The following EPHA5 variants were observed in gnomAD, a reference collection of about 807,000 sequenced individuals.
The protein encoded by EPHA5 is EPH receptor A5.
In EPHA5, 60 loss-of-function variants were observed where a neutral mutation model predicts 105.0. That is an observed-to-expected ratio of 0.57 (90% CI 0.46 to 0.71). The LOEUF is 0.71. Ranked by LOEUF, EPHA5 falls within the 30% of genes least tolerant of loss-of-function variation. EPHA5 has a pLI of 0.00. For synonymous variants in EPHA5, 513 were observed against 449.1 expected, an observed-to-expected ratio of 1.14 and a Z score of -1.80; for missense variants, 1,218 against 1,274.7, an observed-to-expected ratio of 0.96 and a Z score of 0.68.
chr4:65,616,871 G>A (rs1488735735), intron 2 of EPHA5, among the ~76,000 whole-genome samples: 1 of 151,944 alleles, frequency 6.6e-6, no homozygotes, highest in Admixed American at 6.6e-5. Flanking sequence ...GTTCTTTAGG[G>A]AAACAACAAT....
chr4:65,418,886 T>TTTTTTTTTTTTTTTTTTTTTTG (rs1723659482), intron 6 of EPHA5, among the ~76,000 whole-genome samples: 1 of 105,064 alleles, frequency 9.5e-6, no homozygotes, highest in African/African-American at 3.3e-5. Flanking sequence ...TTTTTTTTTT[T>TTTTTTTTTTTTTTTTTTTTTTG]TTTTTTTTTG....
rs1560458214 is a variant in EPHA5 at position 65,365,686 on chromosome 4, TA to T, written c.1987+245del. On this transcript the variant is annotated intron_variant, in intron 10 of 16. Coordinates refer to ENST00000613740, the MANE Select transcript of EPHA5 (RefSeq NM_001281766.3). ...ATATATATATATATATATATATATA[TA>T]TAGTGAAACATTATCTATTTAAAAT... Among the ~76,000 whole-genome samples, 154 of 114,212 alleles carry T rather than the reference TA, an allele frequency of 1.3e-3. 11 individuals are homozygous for T. Among genetic ancestry groups the T allele is most frequent in the South Asian group, 3.3e-3 (12 of 3,606 alleles). 74.9% of individuals were successfully genotyped at this position (114,212 alleles called of 152,430 possible). A position where few individuals can be genotyped will look rare whatever the true frequency, so the allele number is the denominator to read the frequency against.
chr4:65,370,506 C>T (rs910536342), intron 8 of EPHA5, among the ~76,000 whole-genome samples: 4 of 152,088 alleles, frequency 2.6e-5, no homozygotes, highest in Admixed American at 2.0e-4. Context: ...TCACAATTTA[C>T]GTTAGAAAAC....
At chr4:65,332,929 A>C (rs1475850294) in intron 15 of EPHA5, among the ~76,000 whole-genome samples, 1 of 151,898 alleles carries the variant, frequency 6.6e-6, no homozygotes, top group Non-Finnish European at 1.5e-5. Context: ...TCTTTATTTT[A>C]CACTTTTACA....
chr4:65,576,139 G>GA (rs1741020394), intron 3 of EPHA5, among the ~76,000 whole-genome samples: 1 of 105,868 alleles, frequency 9.4e-6, no homozygotes, highest in Non-Finnish European at 2.1e-5. Flanking sequence ...AGAAAAGAAA[G>GA]AAAGAAAAAG....
intron 5 of EPHA5, among the ~76,000 whole-genome samples, chr4:65,443,657 A>AAAAAAC (rs1018488394): frequency 2.6e-5 from 4 of 152,142 alleles, no homozygotes; most frequent in African/African-American, 9.7e-5. Context: ...CTGTGAAGGC[A>AAAAAAC]AAAAACAATT....
chr4:65,551,376 T>G (rs2149340776), intron 3 of EPHA5, among the ~76,000 whole-genome samples: 1 of 151,852 alleles, frequency 6.6e-6, no homozygotes, highest in East Asian at 1.9e-4. Flanking sequence ...ATAATTACCC[T>G]AAGGGAATAG....
intron 5 of EPHA5, among the ~76,000 whole-genome samples, chr4:65,477,118 A>G (rs1030797971): frequency 6.6e-6 from 1 of 152,200 alleles, no homozygotes; most frequent in African/African-American, 2.4e-5. Flanking sequence ...AGACAACAGA[A>G]CAAATTGTTA....
chr4:65,497,932 T>A (rs1578257779), intron 3 of EPHA5, among the ~76,000 whole-genome samples: 1 of 151,916 alleles, frequency 6.6e-6, no homozygotes, highest in Non-Finnish European at 1.5e-5. Flanking sequence ...CCTTTATGAA[T>A]CTTAAAGGTA....
At chr4:65,481,860 C>T (rs923084167) in intron 5 of EPHA5, among the ~76,000 whole-genome samples, 2 of 152,170 alleles carry the variant, frequency 1.3e-5, no homozygotes, top group Admixed American at 1.3e-4. Context: ...GTGCTAAATA[C>T]TTCTTCAATT....
chr4:65,665,231 C>A (rs1300865855), intron 1 of EPHA5, among the ~76,000 whole-genome samples: 1 of 151,156 alleles, frequency 6.6e-6, no homozygotes, highest in African/African-American at 2.4e-5. Context: ...AGGTTTCTAC[C>A]AAATGAAAAA....
intron 3 of EPHA5, among the ~76,000 whole-genome samples, chr4:65,582,043 A>G (rs1013899531): frequency 6.6e-6 from 1 of 151,728 alleles, no homozygotes; most frequent in Admixed American, 6.6e-5. Flanking sequence ...ACTATGAAGC[A>G]TATAGAAATG....
chr4:65,558,667 A>G (rs1412572588), intron 3 of EPHA5, among the ~76,000 whole-genome samples: 13 of 152,172 alleles, frequency 8.5e-5, no homozygotes, highest in Middle Eastern at 6.8e-3. Flanking sequence ...AACATTAGGT[A>G]TATCTCCTAA....
rs773242393 is a variant in EPHA5, at chr4:65,574,707, TAC to T, written c.910+26932_910+26933del. ...ATATATACATATATATACATATATA[TAC>T]ATATATATATACATATATATACATA... On this transcript the variant is annotated intron_variant, in intron 3 of 16. Coordinates refer to ENST00000613740, the MANE Select transcript of EPHA5 (RefSeq NM_001281766.3). Among the ~76,000 whole-genome samples, 86 of 81,558 alleles carry T rather than the reference TAC, an allele frequency of 1.1e-3. 2 individuals are homozygous for T. Among genetic ancestry groups the T allele is most frequent in the African/African-American group, 2.6e-3 (59 of 22,530 alleles). The allele number at this position is 81,558 out of a possible 152,430, so 53.5% of individuals were successfully genotyped here.
At chr4:65,578,874 A>C (rs1285085467) in intron 3 of EPHA5, among the ~76,000 whole-genome samples, 5 of 152,126 alleles carry the variant, frequency 3.3e-5, no homozygotes, top group African/African-American at 1.2e-4. Context: ...TTATAAGTTT[A>C]TTGTACAGAG....
At chr4:65,415,519 G>A (rs2149024502) in intron 6 of EPHA5, among the ~76,000 whole-genome samples, 1 of 151,890 alleles carries the variant, frequency 6.6e-6, no homozygotes, top group South Asian at 2.1e-4. Context: ...TTTGTAATAT[G>A]TTTAATCATA....
At chr4:65,517,089 A>G (rs1051774181) in intron 3 of EPHA5, among the ~76,000 whole-genome samples, 3 of 151,984 alleles carry the variant, frequency 2.0e-5, no homozygotes, top group African/African-American at 7.2e-5. Flanking sequence ...TATATTGTAA[A>G]TTTATCTATT....
chr4:65,631,454 A>G (rs1746624801), intron 2 of EPHA5, among the ~76,000 whole-genome samples: 1 of 152,152 alleles, frequency 6.6e-6, no homozygotes, highest in South Asian at 2.1e-4. Flanking sequence ...CAAACATACC[A>G]AAGAGAATGA....
intron 3 of EPHA5, among the ~76,000 whole-genome samples, chr4:65,578,452 C>T (rs1741283808): frequency 6.6e-6 from 1 of 152,100 alleles, no homozygotes; most frequent in East Asian, 1.9e-4. Flanking sequence ...CCTGGACCAT[C>T]CCAGTCACCA....
Sources: allele counts gnomAD v4.1 joint callset (sites outside exome capture counted in the v4.1 genomes callset), GRCh38; gene constraint gnomAD v4.1.1; transcripts MANE v1.5; gene names NCBI Gene and HGNC (gene_info 2026-07-23, HGNC 2026-07-21).